Variants in CCDC171 observed in about 807,000 individuals in gnomAD.
CCDC171 encodes coiled-coil domain-containing protein 171.
Under a neutral mutation model 168.2 loss-of-function variants are expected in CCDC171, and 177 were observed. That is an observed-to-expected ratio of 1.05 (90% CI 0.93 to 1.19). The LOEUF is 1.19. Ranked by LOEUF, CCDC171 falls within the 50% of genes most tolerant of loss-of-function variation. The pLI is 0.00. For missense variants in CCDC171, 1,991 were observed against 1,539.0 expected (o/e 1.29, Z -4.91); for synonymous variants, 687 against 540.8 (o/e 1.27, Z -3.75).
chr9:15,672,487 C>G (rs1283379985), intron 9 of CCDC171, among the ~76,000 whole-genome samples: 2 of 152,202 alleles, frequency 1.3e-5, no homozygotes, highest in African/African-American at 2.4e-5. Flanking sequence ...GGTTTTAGGT[C>G]TTACATTTAA....
Position 15,571,630 on chromosome 9 carries a change from G to A in CCDC171, c.48G>A (p.Lys16=). Residue 16 remains lysine, a synonymous_variant, in exon 3 of 26, where the codon AAG becomes AAA. Coordinates refer to ENST00000380701, the MANE Select transcript of CCDC171 (RefSeq NM_173550.4). ...CTGTAATCTCATTTTAAAGGTTGAAGATTGCCTCATTGGATGTAAAACAAA... is the reference window on the plus strand; with the variant it reads ...CTGTAATCTCATTTTAAAGGTTGAAAATTGCCTCATTGGATGTAAAACAAA... ...SSNTGDTQRL[K]IASLDVKQIL... 6.4e-7 allele frequency: 1 copy of A among 1,551,982 alleles called. No individual in the cohort carries two copies. Among genetic ancestry groups the A allele is most frequent in the South Asian group, 1.2e-5 (1 of 80,898 alleles).
intron 3 of CCDC171, among the ~76,000 whole-genome samples, chr9:15,996,948 T>G (rs186736160): frequency 2.6e-5 from 4 of 152,230 alleles, no homozygotes; most frequent in Non-Finnish European, 5.9e-5. Context: ...TATTGGTAGG[T>G]AGTGGGTGGA....
At position 15,878,718 on chromosome 9, in the gene CCDC171, G is replaced by GTTGAGTCCA. The variant is rs543783020; in HGVS notation, c.3600+4055_3600+4056insTTGAGTCCA. Among the ~76,000 whole-genome samples the GTTGAGTCCA allele has an allele frequency of 9.6e-3, 1,468 of 152,232 alleles. 27 individuals carry two copies. The highest frequency in any genetic ancestry group is 0.034 in the African/African-American group (1,400 of 41,528). ...GCACTAGTCACAATAGCAAAACATG[G>GTTGAGTCCA]ACTCAACCTAAATGTCCATCCATGG... On this transcript the variant is annotated intron_variant, in intron 24 of 25. Coordinates refer to ENST00000380701, the MANE Select transcript of CCDC171 (RefSeq NM_173550.4).
chr9:15,621,558 C>T (rs1469939719), intron 6 of CCDC171, among the ~76,000 whole-genome samples: 3 of 151,962 alleles, frequency 2.0e-5, no homozygotes, highest in Non-Finnish European at 4.4e-5. Flanking sequence ...TAAGGGGATT[C>T]ATAAGAATAA....
intron 6 of CCDC171, among the ~76,000 whole-genome samples, chr9:15,612,322 G>A (rs1044973787): frequency 6.6e-6 from 1 of 152,120 alleles, no homozygotes. Context: ...TCACTTGTCA[G>A]TTTGCTTTCT....
chr9:15,852,760 A>G (rs900078310), intron 23 of CCDC171, among the ~76,000 whole-genome samples: 3 of 114,512 alleles, frequency 2.6e-5, no homozygotes, highest in Non-Finnish European at 5.4e-5. Flanking sequence ...TATATATTCT[A>G]TCATGTAAAG....
intron 10 of CCDC171, among the ~76,000 whole-genome samples, chr9:15,684,507 AT>A (rs1201132828): frequency 6.6e-6 from 1 of 151,974 alleles, no homozygotes; most frequent in Non-Finnish European, 1.5e-5. Context: ...AGATATAAAT[AT>A]TTATATATAG....
chr9:16,081,759 G>A, the CCDC171 span, among the ~76,000 whole-genome samples: 1 of 152,008 alleles, frequency 6.6e-6, no homozygotes, highest in Non-Finnish European at 1.5e-5. Context: ...GTATAGTAGA[G>A]CTTCTGAGGT....
At chr9:15,660,714 A>G (rs2133034398) in intron 8 of CCDC171, among the ~76,000 whole-genome samples, 1 of 152,078 alleles carries the variant, frequency 6.6e-6, no homozygotes, top group East Asian at 1.9e-4. Flanking sequence ...TCTTTATCCA[A>G]TCCATCATTG....
At chr9:15,895,193 G>A (rs148121015) in intron 24 of CCDC171, among the ~76,000 whole-genome samples, 1 of 152,224 alleles carries the variant, frequency 6.6e-6, no homozygotes, top group East Asian at 1.9e-4. Flanking sequence ...TTCAAGGACT[G>A]TGTAAAAAGT....
intron 18 of CCDC171, among the ~76,000 whole-genome samples, chr9:15,772,022 C>T (rs537740310): frequency 7.2e-5 from 11 of 152,080 alleles, no homozygotes; most frequent in East Asian, 5.8e-4. Context: ...TTAGTAGTGA[C>T]GGGGTTTCTC....
At chr9:15,556,396 C>G (rs2038801021) in intron 1 of CCDC171, among the ~76,000 whole-genome samples, 1 of 152,166 alleles carries the variant, frequency 6.6e-6, no homozygotes, top group Admixed American at 6.5e-5. Flanking sequence ...TCCTCTCTAG[C>G]ACCTGTTGTT....
At chr9:15,673,463 A>C (rs988856308) in intron 9 of CCDC171, among the ~76,000 whole-genome samples, 1 of 152,224 alleles carries the variant, frequency 6.6e-6, no homozygotes, top group Admixed American at 6.5e-5. Context: ...TTGCCCATTC[A>C]GTATGATATT....
intron 7 of CCDC171, among the ~76,000 whole-genome samples, chr9:15,638,841 G>A (rs1362016225): frequency 6.6e-6 from 1 of 151,728 alleles, no homozygotes; most frequent in African/African-American, 2.4e-5. Flanking sequence ...AAAGCAAACT[G>A]GAAAAAGAAA....
At chr9:15,988,638 C>T (rs1832080377) in intron 3 of CCDC171, among the ~76,000 whole-genome samples, 1 of 152,220 alleles carries the variant, frequency 6.6e-6, no homozygotes, top group African/African-American at 2.4e-5. Context: ...GGCATCGCCT[C>T]ACCCGGGAAG....
At chr9:15,866,482 C>A (rs2061792924) in intron 23 of CCDC171, among the ~76,000 whole-genome samples, 2 of 151,924 alleles carry the variant, frequency 1.3e-5, no homozygotes, top group Admixed American at 6.6e-5. Context: ...GATGATTCCC[C>A]TGATGGGGCA....
intron 3 of CCDC171, among the ~76,000 whole-genome samples, chr9:16,018,393 A>G (rs981610555): frequency 1.1e-4 from 17 of 152,196 alleles, no homozygotes; most frequent in African/African-American, 3.6e-4. Context: ...TTATTTGTAT[A>G]TATGTCAATA....
chr9:15,910,980 A>G lies in CCDC171; in HGVS notation c.3601-9290A>G, dbSNP rs181111446. On this transcript the variant is annotated intron_variant, in intron 24 of 25. Transcript: ENST00000380701. ...TTTGGGTTGGTTCCGAGTCTTTGCT[A>G]TTGTGAACAGTGCTGCAGTAAACAT... is the stretch of plus-strand genomic sequence containing the variant. Among the ~76,000 whole-genome samples the G allele has an allele frequency of 1.1e-4, 16 of 152,260 alleles. No homozygotes were observed. The East Asian group carries it at 2.5e-3, about 24-fold the overall frequency.
the CCDC171 span, among the ~76,000 whole-genome samples, chr9:16,093,332 C>T: frequency 1.3e-5 from 2 of 152,180 alleles, no homozygotes; most frequent in Non-Finnish European, 2.9e-5. Context: ...TACTGACCTT[C>T]AGGGGCTTCC....
Sources: allele counts gnomAD v4.1 joint callset (sites outside exome capture counted in the v4.1 genomes callset), GRCh38; gene constraint gnomAD v4.1.1; transcripts MANE v1.5; gene names NCBI Gene and HGNC (gene_info 2026-07-23, HGNC 2026-07-21).